The following GALNT13 variants were observed in gnomAD, a reference collection of about 807,000 sequenced individuals.
GALNT13 encodes the protein polypeptide N-acetylgalactosaminyltransferase 13.
In GALNT13, 28 loss-of-function variants were observed where a neutral mutation model predicts 64.2. The observed-to-expected ratio is 0.44, with a 90% CI of 0.32 to 0.60. GALNT13 has a LOEUF of 0.60. Ranked by LOEUF, GALNT13 falls within the 20% of genes least tolerant of loss-of-function variation. The pLI is 0.05. For missense variants in GALNT13, 577 were observed against 669.8 expected (o/e 0.86, Z 1.53); for synonymous variants, 214 against 224.6 (o/e 0.95, Z 0.42).
At chr2:154,450,336 G>A in intron 12 of GALNT13, 75 bp from the exon 13 acceptor site, 2 of 1,351,806 alleles carry the variant, frequency 1.5e-6, no homozygotes, top group Non-Finnish European at 2.0e-6. Context: ...ATTTTTTAAA[G>A]AACAGATTTT....
chr2:153,275,813 A>C, the GALNT13 span, among the ~76,000 whole-genome samples: 1 of 152,156 alleles, frequency 6.6e-6, no homozygotes, highest in Non-Finnish European at 1.5e-5. Context: ...GATTACAAGA[A>C]GTAGAGCTTA....
intron 3 of GALNT13, among the ~76,000 whole-genome samples, chr2:153,963,101 T>C (rs1442693981): frequency 1.3e-5 from 2 of 152,196 alleles, no homozygotes; most frequent in African/African-American, 4.8e-5. Flanking sequence ...GATTGTTTTC[T>C]GGTTCCAAGT....
chr2:153,780,671 G>A, the GALNT13 span, among the ~76,000 whole-genome samples: 1 of 152,034 alleles, frequency 6.6e-6, no homozygotes, highest in African/African-American at 2.4e-5. Flanking sequence ...CCACGTGGAG[G>A]AACTACAGAA....
intron 8 of GALNT13, among the ~76,000 whole-genome samples, chr2:154,278,988 G>T (rs1691809565): frequency 6.6e-6 from 1 of 151,832 alleles, no homozygotes; most frequent in South Asian, 2.1e-4. Context: ...AATGAATAAG[G>T]AACTAGTTTT....
At chr2:154,262,795 A>G (rs1690770361) in intron 8 of GALNT13, among the ~76,000 whole-genome samples, 1 of 152,174 alleles carries the variant, frequency 6.6e-6, no homozygotes, top group Non-Finnish European at 1.5e-5. Context: ...GAAAGATTCT[A>G]TGAAGTGTTG....
the GALNT13 span, among the ~76,000 whole-genome samples, chr2:153,684,473 A>C: frequency 6.6e-6 from 1 of 151,642 alleles, no homozygotes; most frequent in Admixed American, 6.6e-5. Flanking sequence ...AAAATATTTA[A>C]CTTGAATATC....
Position 154,259,088 on chromosome 2 carries a change from G to A in GALNT13, c.925G>A (p.Asp309Asn), listed in dbSNP as rs1254153801. ...RNYFEEIGTY[D>N]AGMDIWGGEN... ...CTACTTTGAAGAGATAGGAACTTAC[G>A]ATGCAGGAATGGATATCTGGGGTGG... The change falls in exon 8 of 13, where the codon GAT (aspartate) becomes AAT (asparagine). Residue 309 changes from aspartate (D) to asparagine (N), a missense_variant. Around this residue, in one of 3 missense-constraint regions of GALNT13, gnomAD observed 341 missense variants for 379.3 expected, o/e 0.90. Transcript: ENST00000392825. The A allele has an allele frequency of 1.9e-6, 3 of 1,608,754 alleles. No individual in the cohort carries two copies. The highest frequency in any genetic ancestry group is 2.2e-5 in the South Asian group (2 of 90,276).
intron 8 of GALNT13, chr2:154,286,743 G>A: frequency 3.1e-6 from 1 of 325,002 alleles, no homozygotes; most frequent in African/African-American, 2.1e-5. Flanking sequence ...TTGTGGTACA[G>A]GAAGGGACTC....
At chr2:153,254,946 T>A in the GALNT13 span, among the ~76,000 whole-genome samples, 1 of 152,280 alleles carries the variant, frequency 6.6e-6, no homozygotes, top group African/African-American at 2.4e-5. Context: ...GTATATTCTG[T>A]TGATTTTGGG....
chr2:154,030,598 G>A (rs547380062), intron 3 of GALNT13, among the ~76,000 whole-genome samples: 10 of 151,860 alleles, frequency 6.6e-5, no homozygotes, highest in Admixed American at 1.3e-4. Context: ...TGTCCCCACC[G>A]AAATCTCACA....
chr2:154,365,480 T>A (rs1165134581), intron 9 of GALNT13, among the ~76,000 whole-genome samples: 1 of 152,224 alleles, frequency 6.6e-6, no homozygotes, highest in East Asian at 1.9e-4. Flanking sequence ...TATAAAAAGT[T>A]CCACAATTTC....
At chr2:154,159,712 G>A (rs1684624403) in intron 4 of GALNT13, among the ~76,000 whole-genome samples, 2 of 151,986 alleles carry the variant, frequency 1.3e-5, no homozygotes, top group Admixed American at 1.3e-4. Context: ...TTAGCCTGGA[G>A]CAGAATAAGA....
At chr2:153,272,817 G>T in the GALNT13 span, among the ~76,000 whole-genome samples, 1 of 152,040 alleles carries the variant, frequency 6.6e-6, no homozygotes, top group African/African-American at 2.4e-5. Context: ...ACATGCACAG[G>T]TACGTATATT....
the GALNT13 span, among the ~76,000 whole-genome samples, chr2:153,517,992 C>G: frequency 6.6e-6 from 1 of 152,060 alleles, no homozygotes; most frequent in Non-Finnish European, 1.5e-5. Context: ...GAGCAGGACA[C>G]AACATGATTT....
At chr2:153,165,302 A>C in the GALNT13 span, among the ~76,000 whole-genome samples, 2 of 152,208 alleles carry the variant, frequency 1.3e-5, no homozygotes, top group Admixed American at 1.3e-4. Context: ...TCTGACAGGC[A>C]CTTGATTAGT....
the GALNT13 span, among the ~76,000 whole-genome samples, chr2:153,207,360 T>C: frequency 6.6e-6 from 1 of 152,126 alleles, no homozygotes; most frequent in African/African-American, 2.4e-5. Context: ...TATTTTCTTT[T>C]GGCAGGGAGG....
the GALNT13 span, among the ~76,000 whole-genome samples, chr2:153,240,271 T>G: frequency 2.0e-5 from 3 of 152,188 alleles, no homozygotes; most frequent in Non-Finnish European, 4.4e-5. Flanking sequence ...ATCAACTTTT[T>G]AGACTGATTT....
chr2:154,005,479 T>G (rs1381290129), intron 3 of GALNT13, among the ~76,000 whole-genome samples: 4 of 152,176 alleles, frequency 2.6e-5, no homozygotes, highest in Non-Finnish European at 5.9e-5. Flanking sequence ...TGATTTATTC[T>G]TCAGTTGTTT....
At chr2:154,288,953 G>C (rs912222142) in intron 8 of GALNT13, among the ~76,000 whole-genome samples, 2 of 152,230 alleles carry the variant, frequency 1.3e-5, no homozygotes, top group African/African-American at 4.8e-5. Context: ...GGGGGACTCT[G>C]TGTGGGGGCT....
Sources: allele counts gnomAD v4.1 joint callset (sites outside exome capture counted in the v4.1 genomes callset), GRCh38; gene constraint gnomAD v4.1.1; regional missense constraint gnomAD v4.1.1; transcripts MANE v1.5; gene names NCBI Gene and HGNC (gene_info 2026-07-23, HGNC 2026-07-21).